Variants in TNN observed in about 807,000 individuals in gnomAD.
The protein encoded by TNN is tenascin N.
In TNN, 122 loss-of-function variants were observed where a neutral mutation model predicts 134.4. The observed-to-expected ratio is 0.91, with a 90% CI of 0.78 to 1.06. The LOEUF is 1.06. Among genes scored for constraint, TNN ranks in the 50% least tolerant of loss-of-function variants. The pLI, the probability that TNN is intolerant of heterozygous loss-of-function variation, is 0.00. For synonymous variants in TNN, 710 were observed against 670.3 expected, an observed-to-expected ratio of 1.06 and a Z score of -0.91; for missense variants, 1,739 against 1,699.4, an observed-to-expected ratio of 1.02 and a Z score of -0.41.
chr1:175,132,682 G>A (rs1425714390), intron 15 of TNN, among the ~76,000 whole-genome samples: 1 of 152,170 alleles, frequency 6.6e-6, no homozygotes, highest in Non-Finnish European at 1.5e-5. Context: ...CCATGAGCTG[G>A]CTGAGGGTCA....
chr1:175,128,130 C>T lies in TNN; in HGVS notation c.3144C>T (p.Arg1048=). ...PVSLVAFKGG[R]RSRNVSTTLS... is the part of the protein sequence containing the mutation. ...CCCTTGTTGCCTTTAAGGGTGGTCG[C>T]CGGAGCAGAAATGTATCCACCACCC... The change falls in exon 14 of 19, where the codon CGC becomes CGT. Residue 1048 remains arginine (R), a synonymous_variant. Transcript: ENST00000239462. The T allele has an allele frequency of 1.2e-6, 2 of 1,611,950 alleles. No homozygotes were observed. The highest frequency in any genetic ancestry group is 1.3e-5 in the African/African-American group (1 of 74,980).
intron 1 of TNN, among the ~76,000 whole-genome samples, chr1:175,068,622 G>T (rs1341163586): frequency 2.0e-5 from 3 of 152,142 alleles, no homozygotes; most frequent in African/African-American, 7.2e-5. Flanking sequence ...AAATGATGTG[G>T]TTGGCCGGGC....
intron 2 of TNN, among the ~76,000 whole-genome samples, chr1:175,078,958 G>T (rs903986311): frequency 1.3e-5 from 2 of 152,148 alleles, no homozygotes; most frequent in African/African-American, 4.8e-5. Flanking sequence ...GCTGGCCAGG[G>T]TGGAGCATTT....
intron 4 of TNN, 44 bp from the exon 5 acceptor site, chr1:175,083,706 C>G: frequency 4.4e-6 from 7 of 1,590,048 alleles, no homozygotes; most frequent in Non-Finnish European, 6.0e-6. Context: ...CTTGGAACCT[C>G]TGCTCTTCAC....
At chr1:175,113,606 C>A (rs1675093274) in intron 9 of TNN, among the ~76,000 whole-genome samples, 1 of 152,158 alleles carries the variant, frequency 6.6e-6, no homozygotes, top group Non-Finnish European at 1.5e-5. Context: ...TATCTCTCCC[C>A]AGACTTGGGA....
At chr1:175,085,545 A>C in intron 6 of TNN, 51 bp downstream of exon 6, 145 of 1,293,866 alleles carry the variant, frequency 1.1e-4, no homozygotes, top group Non-Finnish European at 1.4e-4. Context: ...TTGCATTCTC[A>C]TATTTTTCTT....
chr1:175,128,610 C>T lies in TNN; in HGVS notation c.3194C>T (p.Pro1065Leu). 1 of 1,611,156 alleles carries T rather than the reference C, an allele frequency of 6.2e-7. No individual in the cohort carries two copies. The highest frequency in any genetic ancestry group is 8.5e-7 in the Non-Finnish European group (1 of 1,178,550). ...TTLSTVGARF[P>L]HPSDCSQVQQ... ...TGGCTCCCAGTTGGTGCCCGTTTCC[C>T]ACACCCTTCGGACTGCAGTCAGGTT... The change falls in exon 15 of 19, where the codon CCA becomes CTA. Residue 1065 changes from proline (P) to leucine (L), a missense_variant. Coordinates refer to ENST00000239462, the MANE Select transcript of TNN (RefSeq NM_022093.2).
chr1:175,146,886 C>G, intron 18 of TNN, 45 bp from the exon 19 acceptor site: 1 of 1,494,266 alleles, frequency 6.7e-7, no homozygotes, highest in Non-Finnish European at 8.9e-7. Context: ...CTGCCCTCCT[C>G]CTAAGAGCCT....
At chr1:175,135,716 G>A (rs1168694173) in intron 15 of TNN, 129 bp from the exon 16 acceptor site, 1 of 693,874 alleles carries the variant, frequency 1.4e-6, no homozygotes, top group Non-Finnish European at 2.6e-6. Flanking sequence ...TAAATAAAAA[G>A]CCTCTCTAGA....
intron 9 of TNN, among the ~76,000 whole-genome samples, chr1:175,103,745 C>T (rs527696666): frequency 2.8e-5 from 4 of 144,374 alleles, no homozygotes; most frequent in South Asian, 2.3e-4. Context: ...CTTCCTCTCT[C>T]TGTCTCTTTC....
chr1:175,098,427 G>T lies in TNN; in HGVS notation c.1951G>T (p.Val651Leu), dbSNP rs201064305. 30 of 1,614,086 alleles carry T rather than the reference G, an allele frequency of 1.9e-5. No individual in the cohort carries two copies. The highest frequency in any genetic ancestry group is 2.5e-5 in the Non-Finnish European group (29 of 1,180,040). The change falls in exon 9 of 19, where the codon GTG (valine) becomes TTG (leucine). Residue 651 changes from valine (V) to leucine (L), a missense_variant. Transcript: ENST00000239462. ...GGTGCAGGCCGCCATTGACAAGTACGTGGTGCGCTACACCTCTGCTGGTGG... is the reference window on the plus strand; with the variant it reads ...GGTGCAGGCCGCCATTGACAAGTACTTGGTGCGCTACACCTCTGCTGGTGG... The part of the protein sequence containing the change: ...DPVQAAIDKY[V>L]VRYTSAGGET...
intron 7 of TNN, among the ~76,000 whole-genome samples, chr1:175,097,184 A>G (rs574309114): frequency 7.2e-5 from 11 of 152,356 alleles, no homozygotes; most frequent in Admixed American, 7.2e-4. Flanking sequence ...AAAAGTTTAT[A>G]GAGTTGATAA....
Position 175,077,484 on chromosome 1 carries a change from T to C in TNN, c.66T>C (p.Ala22=). The C allele has an allele frequency of 6.2e-7, 1 of 1,613,898 alleles. No individual in the cohort carries two copies. Among genetic ancestry groups the C allele is most frequent in the South Asian group, 1.1e-5 (1 of 91,088 alleles). The change falls in exon 2 of 19, where the codon GCT becomes GCC. Residue 22 remains alanine, a synonymous_variant. Coordinates refer to ENST00000239462, the MANE Select transcript of TNN (RefSeq NM_022093.2). ...GLLLGSVLLV[A]SAPATLEPPG... is the part of the protein sequence containing the mutation. ...TGCTTGGCTCTGTGCTCCTGGTGGC[T>C]TCGGCCCCAGCCACTCTGGAGCCTC...
intron 9 of TNN, among the ~76,000 whole-genome samples, chr1:175,109,367 CG>C (rs1574159054): frequency 6.6e-6 from 1 of 151,694 alleles, no homozygotes; most frequent in African/African-American, 2.4e-5. Flanking sequence ...GGATTACAGG[CG>C]TGAGCCACCG....
chr1:175,131,047 G>C (rs950685275), intron 15 of TNN, among the ~76,000 whole-genome samples: 3 of 152,088 alleles, frequency 2.0e-5, no homozygotes, highest in African/African-American at 7.2e-5. Context: ...AGTTTTTTTG[G>C]GGGGGTTCAA....
rs776209766 is a variant in TNN, at chr1:175,098,590, A to G, written c.2114A>G (p.Gln705Arg). Residue 705 changes from glutamine to arginine, a missense_variant, in exon 9 of 19, where the codon CAG (glutamine) becomes CGG (arginine). Physicochemically the swap from Gln to Arg is conservative, Grantham distance 43 (BLOSUM62 1). Coordinates refer to ENST00000239462, the MANE Select transcript of TNN (RefSeq NM_022093.2). ...AGCAAGAAGGCCGACACCAAGGCCC[A>G]GACAGGTAAGGAGTGTGCATTATTG... ...QESKKADTKA[Q>R]TDIDSPQNLV... is the part of the protein sequence containing the mutation. 3 of 1,613,968 alleles carry G rather than the reference A, an allele frequency of 1.9e-6. No individual in the cohort carries two copies. In the African/African-American group the frequency reaches 4.0e-5, roughly 22 times the overall value.
Position 175,080,267 on chromosome 1 carries a change from C to T in TNN, c.889C>T (p.Pro297Ser). Residue 297 changes from proline (P) to serine (S), a missense_variant, in exon 4 of 19, where the codon CCC becomes TCC. Coordinates refer to ENST00000239462, the MANE Select transcript of TNN (RefSeq NM_022093.2). ...QVDHYLLSYY[P>S]LGKELSGKQI... ...GGATCACTACCTCCTCAGCTACTAC[C>T]CCCTGGGGAAGGAGCTCTCTGGGAA... 1 of 1,614,114 alleles carries T rather than the reference C, an allele frequency of 6.2e-7. No homozygotes were observed. The highest frequency in any genetic ancestry group is 8.5e-7 in the Non-Finnish European group (1 of 1,180,012).
intron 11 of TNN, among the ~76,000 whole-genome samples, chr1:175,120,774 C>T (rs1675353905): frequency 6.6e-6 from 1 of 152,216 alleles, no homozygotes; most frequent in Non-Finnish European, 1.5e-5. Flanking sequence ...CAGCTGCTAG[C>T]TACATGTAGC....
intron 6 of TNN, among the ~76,000 whole-genome samples, chr1:175,089,140 T>A (rs1402761478): frequency 6.6e-6 from 1 of 152,198 alleles, no homozygotes; most frequent in African/African-American, 2.4e-5. Context: ...GAAACACTCT[T>A]AAACCTGGCT....
Sources: allele counts gnomAD v4.1 joint callset (sites outside exome capture counted in the v4.1 genomes callset), GRCh38; gene constraint gnomAD v4.1.1; transcripts MANE v1.5; gene names NCBI Gene and HGNC (gene_info 2026-07-23, HGNC 2026-07-21).